The following LRRC4C variants were observed in gnomAD, a reference collection of about 807,000 sequenced individuals.
The protein encoded by LRRC4C is leucine rich repeat containing 4C, also known as leucine-rich repeat-containing protein 4C.
Under a neutral mutation model 33.6 loss-of-function variants are expected in LRRC4C, and 5 were observed. The ratio of observed to expected loss-of-function variants is 0.15; its 90% CI spans 0.08 to 0.31. The LOEUF (loss-of-function observed/expected upper bound fraction) is 0.31. Ranked by LOEUF, LRRC4C falls within the 10% of genes least tolerant of loss-of-function variation. The probability of loss-of-function intolerance (pLI) is 1.00; values close to 1 mark genes in which losing one functional copy is unlikely to be tolerated. For synonymous variants in LRRC4C, 329 were observed against 302.0 expected (o/e 1.09, Z -0.93); for missense variants, 560 against 796.7 (o/e 0.70, Z 3.58).
intron 1 of LRRC4C, among the ~76,000 whole-genome samples, chr11:41,338,362 C>T (rs1565593272): frequency 1.3e-5 from 2 of 152,016 alleles, no homozygotes; most frequent in Non-Finnish European, 2.9e-5. Context: ...AGAATGTAGC[C>T]ATAAAGAGAA....
At chr11:40,499,533 G>C (rs1331259266) in intron 3 of LRRC4C, among the ~76,000 whole-genome samples, 1 of 152,078 alleles carries the variant, frequency 6.6e-6, no homozygotes, top group Non-Finnish European at 1.5e-5. Flanking sequence ...TTATGTGACT[G>C]ATTTTCACAT....
chr11:40,181,815 C>T (rs541826301), intron 5 of LRRC4C, among the ~76,000 whole-genome samples: 27 of 152,314 alleles, frequency 1.8e-4, no homozygotes, highest in African/African-American at 6.5e-4. Context: ...GGAAATGAAG[C>T]TTTGCCCATC....
intron 2 of LRRC4C, among the ~76,000 whole-genome samples, chr11:40,748,223 T>C (rs1051824772): frequency 2.0e-5 from 3 of 151,982 alleles, no homozygotes; most frequent in African/African-American, 7.2e-5. Flanking sequence ...CAGGAGAAAC[T>C]TTTCAGGTCA....
chr11:40,930,997 G>A (rs550449077), intron 2 of LRRC4C, among the ~76,000 whole-genome samples: 1 of 152,276 alleles, frequency 6.6e-6, no homozygotes, highest in East Asian at 1.9e-4. Context: ...AAAGGCCTGA[G>A]CAAGGTGCTT....
chr11:40,863,224 T>G (rs1954189475), intron 2 of LRRC4C, among the ~76,000 whole-genome samples: 1 of 152,188 alleles, frequency 6.6e-6, no homozygotes, highest in Non-Finnish European at 1.5e-5. Context: ...TAATTCACTC[T>G]CACTCATGGT....
intron 1 of LRRC4C, among the ~76,000 whole-genome samples, chr11:40,963,035 T>C (rs943218974): frequency 1.3e-5 from 2 of 151,614 alleles, no homozygotes; most frequent in African/African-American, 4.8e-5. Context: ...TGATAAGGAG[T>C]AAGTGCCTAT....
chr11:41,324,913 G>C (rs1951063257), intron 1 of LRRC4C, among the ~76,000 whole-genome samples: 1 of 152,152 alleles, frequency 6.6e-6, no homozygotes, highest in Non-Finnish European at 1.5e-5. Context: ...ATTTAAAATA[G>C]AGTTTTGATT....
intron 3 of LRRC4C, among the ~76,000 whole-genome samples, chr11:40,355,310 C>G (rs764493130): frequency 8.5e-5 from 13 of 152,122 alleles, no homozygotes; most frequent in African/African-American, 1.2e-4. Flanking sequence ...ACAAGCCCTC[C>G]CTTAGCCACC....
Position 40,316,626 on chromosome 11 carries a change from G to A in LRRC4C, c.-176+3002C>T, listed in dbSNP as rs111348375. Among the ~76,000 whole-genome samples, 375 of 152,052 alleles carry A rather than the reference G, an allele frequency of 2.5e-3. 8 individuals are homozygous for A. The East Asian group carries it at 0.031, about 12-fold the overall frequency. ...TGGTTGTATTTTCTGATCTCTAGGC[G>A]TTTAATAAACTTTCACAAAGCGTTC... On this transcript the variant is annotated intron_variant, in intron 4 of 6. Transcript: ENST00000528697.
intron 5 of LRRC4C, among the ~76,000 whole-genome samples, chr11:40,229,481 C>T (rs1050732578): frequency 2.6e-5 from 4 of 151,990 alleles, no homozygotes; most frequent in Non-Finnish European, 4.4e-5. Context: ...CCATGTTGGC[C>T]GGGCTGGTCT....
chr11:40,906,714 GTGTGTGTGTA>G, intron 2 of LRRC4C, among the ~76,000 whole-genome samples: 1 of 151,984 alleles, frequency 6.6e-6, no homozygotes, highest in African/African-American at 2.4e-5. Context: ...CTCTCTGTGT[GTGTGTGTGTA>G]TGTGTGTGTA....
At chr11:40,295,894 C>T (rs1944487513) in intron 4 of LRRC4C, among the ~76,000 whole-genome samples, 1 of 152,162 alleles carries the variant, frequency 6.6e-6, no homozygotes, top group South Asian at 2.1e-4. Flanking sequence ...CCCTTATATG[C>T]TAATTATAGT....
intron 1 of LRRC4C, among the ~76,000 whole-genome samples, chr11:40,969,124 T>C (rs1851548355): frequency 6.6e-6 from 1 of 152,136 alleles, no homozygotes; most frequent in Admixed American, 6.6e-5. Flanking sequence ...ATTTCAACCA[T>C]CATGGATGAC....
intron 1 of LRRC4C, among the ~76,000 whole-genome samples, chr11:41,397,577 T>G (rs529829417): frequency 9.2e-5 from 14 of 151,786 alleles, no homozygotes; most frequent in Non-Finnish European, 4.4e-5. Flanking sequence ...AGTTACATTT[T>G]GGGGGAGTCA....
intron 2 of LRRC4C, among the ~76,000 whole-genome samples, chr11:40,874,756 C>T (rs1174317601): frequency 6.6e-6 from 1 of 152,138 alleles, no homozygotes; most frequent in Non-Finnish European, 1.5e-5. Flanking sequence ...ACTGGATTTG[C>T]AATGAGGCCA....
At chr11:40,687,860 C>G (rs1295031628) in intron 2 of LRRC4C, among the ~76,000 whole-genome samples, 1 of 152,020 alleles carries the variant, frequency 6.6e-6, no homozygotes, top group African/African-American at 2.4e-5. Context: ...TATTTTCTGG[C>G]ATAGAATTAA....
intron 3 of LRRC4C, among the ~76,000 whole-genome samples, chr11:40,474,801 G>T (rs796277521): frequency 2.1e-4 from 32 of 152,226 alleles, no homozygotes; most frequent in African/African-American, 7.0e-4. Context: ...CTCAAGAAAA[G>T]ACATTTATGT....
intron 3 of LRRC4C, among the ~76,000 whole-genome samples, chr11:40,505,025 T>C (rs1954963886): frequency 6.6e-6 from 1 of 152,124 alleles, no homozygotes; most frequent in Non-Finnish European, 1.5e-5. Context: ...GGCAGGTGTT[T>C]TTTTGTTTTT....
At chr11:40,997,532 A>C (rs745414480) in intron 1 of LRRC4C, among the ~76,000 whole-genome samples, 9 of 152,134 alleles carry the variant, frequency 5.9e-5, no homozygotes, top group African/African-American at 1.4e-4. Context: ...GTGAAGAATG[A>C]AGGAAAGGTA....
Sources: gnomAD v4.1 joint callset for allele counts (sites outside exome capture counted in the v4.1 genomes callset) on GRCh38, gnomAD v4.1.1 for gene constraint, MANE v1.5 for transcripts, NCBI Gene and HGNC (gene_info 2026-07-23, HGNC 2026-07-21) for gene names.